Variants in DAB1 observed in about 807,000 individuals in gnomAD.
DAB1 encodes disabled homolog 1.
DAB1 carries 15 observed loss-of-function variants against 64.6 expected under a neutral mutation model. That is an observed-to-expected ratio of 0.23 (90% CI 0.16 to 0.36). The LOEUF is 0.36. Among genes scored for constraint, DAB1 ranks in the 10% least tolerant of loss-of-function variants. The pLI is 1.00. For synonymous variants in DAB1, 235 were observed against 251.9 expected (o/e 0.93, Z 0.64); for missense variants, 596 against 706.7 (o/e 0.84, Z 1.78).
At chr1:57,788,856 T>C (rs1010860241) in intron 6 of DAB1, among the ~76,000 whole-genome samples, 11 of 152,170 alleles carry the variant, frequency 7.2e-5, no homozygotes, top group Admixed American at 5.2e-4. Context: ...TGGAACTCAG[T>C]GTTGAGATAA....
chr1:57,777,137 A>ATT (rs1553127984), intron 6 of DAB1, among the ~76,000 whole-genome samples: 6 of 104,258 alleles, frequency 5.8e-5, no homozygotes, highest in African/African-American at 1.9e-4. Flanking sequence ...TATTTTCTGA[A>ATT]TTTCTTTTTT....
rs990906220 is a variant in DAB1 at position 58,249,377 on chromosome 1, C to G, written n.309+93975G>C. On this transcript the variant is annotated intron_variant and non_coding_transcript_variant, in intron 4 of 20. Coordinates refer to the DAB1 transcript ENST00000485760. ...TCATCATCAGTGAAAGCTCAGAGAG[C>G]CGGGCATAATTATTTTCCTACAAGG... Among the ~76,000 whole-genome samples the G allele has an allele frequency of 2.0e-5, 3 of 151,892 alleles. No homozygotes were observed. The East Asian group carries it at 5.8e-4, about 30-fold the overall frequency.
rs143251340 is a variant in DAB1 at position 57,995,307 on chromosome 1, T to C, written n.388-111145A>G. On this transcript the variant is annotated intron_variant and non_coding_transcript_variant, in intron 5 of 20. Coordinates refer to the DAB1 transcript ENST00000485760. The stretch of plus-strand genomic sequence containing the variant: ...AACCAGAATTCATAGCAGCTGTGCA[T>C]TGTTAAAGGGACTTCTCCTGACAGA... 4.5e-3 allele frequency among the ~76,000 whole-genome samples: 686 copies of C among 152,296 alleles called. 2 individuals are homozygous for C. The highest frequency in any genetic ancestry group is 7.5e-3 in the South Asian group (36 of 4,824).
intron 6 of DAB1, among the ~76,000 whole-genome samples, chr1:57,819,514 G>A: frequency 6.6e-6 from 1 of 152,294 alleles, no homozygotes; most frequent in South Asian, 2.1e-4. Flanking sequence ...AATGATAGTA[G>A]CTAGAGCTAA....
chr1:58,028,272 G>A (rs77234329), intron 5 of DAB1, among the ~76,000 whole-genome samples: 4,287 of 152,212 alleles, frequency 0.028, 71 homozygotes, highest in Middle Eastern at 0.068. Context: ...TTCATCAACT[G>A]ATCAATACGT....
chr1:57,637,463 G>A (rs1646070986), intron 7 of DAB1, among the ~76,000 whole-genome samples: 1 of 152,200 alleles, frequency 6.6e-6, no homozygotes, highest in Admixed American at 6.5e-5. Context: ...GCAGAGTGGT[G>A]GGTATATGCA....
chr1:57,930,447 T>C (rs74493162), intron 5 of DAB1, among the ~76,000 whole-genome samples: 1,922 of 152,346 alleles, frequency 0.013, 47 homozygotes, highest in African/African-American at 0.044. Flanking sequence ...GGGATTGCAC[T>C]GAATCTGTAG....
chr1:57,277,375 G>T (rs540275079), intron 2 of DAB1, among the ~76,000 whole-genome samples: 3 of 151,884 alleles, frequency 2.0e-5, no homozygotes, highest in South Asian at 2.1e-4. Flanking sequence ...TATGAAAACG[G>T]TTTTTTTTCC....
intron 1 of DAB1, among the ~76,000 whole-genome samples, chr1:58,531,415 C>A (rs17117654): frequency 0.018 from 2,810 of 151,914 alleles, 56 homozygotes; most frequent in East Asian, 0.12. Context: ...TATCAGTTAC[C>A]AAAAAAGATT....
chr1:57,304,170 C>A (rs1421971027), intron 1 of DAB1, among the ~76,000 whole-genome samples: 2 of 152,140 alleles, frequency 1.3e-5, no homozygotes, highest in Admixed American at 6.5e-5. Flanking sequence ...AAAGCAGGAG[C>A]AGGCACTTCA....
rs75843766 is a variant in DAB1 at position 58,435,893 on chromosome 1, A to G, written n.257+70167T>C. On this transcript the variant is annotated intron_variant and non_coding_transcript_variant, in intron 3 of 20. Coordinates refer to the DAB1 transcript ENST00000485760. Reference sequence around the variant, plus strand: ...GATAATTTAGATTTGATTGCTGATGAGCAGAGAAACCACAGTCTGTAGTCT... The same window carrying G: ...GATAATTTAGATTTGATTGCTGATGGGCAGAGAAACCACAGTCTGTAGTCT... Among the ~76,000 whole-genome samples the G allele has an allele frequency of 9.6e-3, 1,467 of 152,330 alleles. 26 individuals are homozygous for G. Among genetic ancestry groups the G allele is most frequent in the African/African-American group, 0.034 (1,397 of 41,562 alleles).
At chr1:58,539,128 T>C in intron 1 of DAB1, 1 of 872,958 alleles carries the variant, frequency 1.1e-6, no homozygotes, top group Non-Finnish European at 2.0e-6. Flanking sequence ...GTCACACTGA[T>C]TTACTCCCAG....
At chr1:57,019,541 A>AG (rs1646546489) in intron 11 of DAB1, among the ~76,000 whole-genome samples, 1 of 152,100 alleles carries the variant, frequency 6.6e-6, no homozygotes, top group South Asian at 2.1e-4. Flanking sequence ...CACTTTTCCT[A>AG]GGGGTTCCCT....
At chr1:58,039,534 A>G (rs547440422) in intron 5 of DAB1, among the ~76,000 whole-genome samples, 1 of 152,332 alleles carries the variant, frequency 6.6e-6, no homozygotes, top group East Asian at 1.9e-4. Flanking sequence ...TGGCCTTGCC[A>G]TACCAAAATA....
chr1:57,125,804 A>T (rs897836398), intron 4 of DAB1, among the ~76,000 whole-genome samples: 13 of 152,166 alleles, frequency 8.5e-5, no homozygotes, highest in African/African-American at 7.2e-5. Context: ...CCACCAGAAG[A>T]GGTGGTGGAG....
intron 7 of DAB1, among the ~76,000 whole-genome samples, chr1:57,643,616 C>A (rs1558569779): frequency 6.6e-6 from 1 of 152,154 alleles, no homozygotes; most frequent in Admixed American, 6.5e-5. Context: ...ATTTCTTCAG[C>A]TTCTTCAAGA....
At chr1:57,435,912 C>CT (rs1685678335) in intron 7 of DAB1, among the ~76,000 whole-genome samples, 1 of 138,544 alleles carries the variant, frequency 7.2e-6, no homozygotes, top group Non-Finnish European at 1.6e-5. Context: ...CTTTTTTTTT[C>CT]TTTCTTTTTT....
At chr1:57,871,439 C>A (rs766115302) in intron 1 of DAB1, among the ~76,000 whole-genome samples, 1 of 152,054 alleles carries the variant, frequency 6.6e-6, no homozygotes, top group Non-Finnish European at 1.5e-5. Context: ...ATTATCTTTC[C>A]GAAGATCACA....
chr1:57,214,910 C>CAAAAAAA (rs56175448), intron 2 of DAB1, among the ~76,000 whole-genome samples: 26 of 58,606 alleles, frequency 4.4e-4, no homozygotes, highest in African/African-American at 1.2e-3. Context: ...GATTCCCTCT[C>CAAAAAAA]AAAAAAAAAA....
Sources: allele counts gnomAD v4.1 joint callset (sites outside exome capture counted in the v4.1 genomes callset), GRCh38; gene constraint gnomAD v4.1.1; transcripts MANE v1.5; gene names NCBI Gene and HGNC (gene_info 2026-07-23, HGNC 2026-07-21).